Variants in EML1 observed in about 807,000 individuals in gnomAD.
EML1 encodes the protein echinoderm microtubule-associated protein-like 1.
Under a neutral mutation model 110.4 loss-of-function variants are expected in EML1, and 27 were observed. The ratio of observed to expected loss-of-function variants is 0.24; its 90% CI spans 0.18 to 0.34. The LOEUF is 0.34. EML1 is among the 10% of genes least tolerant of loss of function. The pLI, the probability that EML1 is intolerant of heterozygous loss-of-function variation, is 1.00. For synonymous variants in EML1, 344 were observed against 385.8 expected, an observed-to-expected ratio of 0.89 and a Z score of 1.27; for missense variants, 741 against 1,030.9, an observed-to-expected ratio of 0.72 and a Z score of 3.85.
intron 17 of EML1, among the ~76,000 whole-genome samples, chr14:99,923,839 A>G (rs188733998): frequency 3.3e-5 from 5 of 152,256 alleles, no homozygotes; most frequent in African/African-American, 1.2e-4. Flanking sequence ...TTTTTTGTAG[A>G]CACAGGGTCT....
chr14:99,927,559 C>T (rs2060257095), intron 17 of EML1, among the ~76,000 whole-genome samples: 1 of 152,020 alleles, frequency 6.6e-6, no homozygotes, highest in Non-Finnish European at 1.5e-5. Context: ...CTATTGATTT[C>T]CAATGTTAGC....
At chr14:99,873,549 G>T (rs947187578) in intron 3 of EML1, among the ~76,000 whole-genome samples, 2 of 152,236 alleles carry the variant, frequency 1.3e-5, no homozygotes, top group East Asian at 3.8e-4. Flanking sequence ...AGAGGTGGAA[G>T]TATTGTCCTG....
chr14:99,909,620 A>G, intron 11 of EML1, 141 bp downstream of exon 11: 1 of 1,134,760 alleles, frequency 8.8e-7, no homozygotes, highest in Non-Finnish European at 1.3e-6. Context: ...CCTGGTAGAT[A>G]ACGCTGGTAA....
chr14:99,870,986 T>C (rs748666325), intron 3 of EML1, among the ~76,000 whole-genome samples: 1 of 152,118 alleles, frequency 6.6e-6, no homozygotes, highest in Non-Finnish European at 1.5e-5. Context: ...TGAGACAGTC[T>C]TGCTCTGTCA....
intron 5 of EML1, among the ~76,000 whole-genome samples, chr14:99,891,632 A>C (rs1274550973): frequency 6.6e-6 from 1 of 152,228 alleles, no homozygotes; most frequent in Non-Finnish European, 1.5e-5. Context: ...AAGTTATATA[A>C]CTGTCTAAAA....
At chr14:99,750,491 A>G (rs892183404) in intron 1 of EML1, among the ~76,000 whole-genome samples, 1 of 152,214 alleles carries the variant, frequency 6.6e-6, no homozygotes, top group African/African-American at 2.4e-5. Flanking sequence ...CTCGCCACCA[A>G]GTGCTGTGTG....
intron 10 of EML1, among the ~76,000 whole-genome samples, chr14:99,909,013 T>G (rs897155848): frequency 6.6e-6 from 1 of 152,226 alleles, no homozygotes; most frequent in African/African-American, 2.4e-5. Context: ...GAAGTCCCTC[T>G]GGTCCCAACT....
At chr14:99,765,012 A>G (rs952814975) in intron 1 of EML1, among the ~76,000 whole-genome samples, 2 of 152,206 alleles carry the variant, frequency 1.3e-5, no homozygotes, top group African/African-American at 4.8e-5. Flanking sequence ...ATCATGGCTC[A>G]CTGCAGCCTC....
rs753183138 is a variant in EML1 at position 99,749,232 on chromosome 14, G to A, written c.28+11372G>A. Among the ~76,000 whole-genome samples the A allele has an allele frequency of 5.9e-5, 9 of 152,322 alleles. No individual in the cohort carries two copies. In the East Asian group the frequency reaches 1.5e-3, roughly 26 times the overall value. ...TCTATGTTGAGCATTTTGAGGAACC[G>A]CCAGGCTGTTTCCAGCGGTGGCTGC... On this transcript the variant is annotated intron_variant, in intron 1 of 10. Coordinates refer to the EML1 transcript ENST00000554479.
intron 9 of EML1, among the ~76,000 whole-genome samples, chr14:99,903,778 T>TC (rs1057506971): frequency 3.1e-5 from 4 of 129,140 alleles, no homozygotes; most frequent in Non-Finnish European, 6.4e-5. Flanking sequence ...CATAGATAAA[T>TC]CTATTCATTT....
chr14:99,875,055 CGTA>C, intron 3 of EML1: 1 of 1,496,714 alleles, frequency 6.7e-7, no homozygotes. Flanking sequence ...TCTGTTTTAA[CGTA>C]GTAGCTTCAA....
intron 15 of EML1, among the ~76,000 whole-genome samples, chr14:99,915,926 C>T (rs188992732): frequency 2.9e-4 from 44 of 152,270 alleles, no homozygotes; most frequent in African/African-American, 8.7e-4. Context: ...TTCATTTTCA[C>T]GGAAGGGGTG....
chr14:99,766,076 GT>G (rs1352333377), intron 1 of EML1, among the ~76,000 whole-genome samples: 1 of 152,032 alleles, frequency 6.6e-6, no homozygotes. Context: ...TTTGTCGATT[GT>G]GAATGATGCT....
chr14:99,810,618 A>T (rs1405915640), intron 1 of EML1, among the ~76,000 whole-genome samples: 1 of 152,150 alleles, frequency 6.6e-6, no homozygotes, highest in Non-Finnish European at 1.5e-5. Context: ...ACCCACTTGA[A>T]GCAGTGGCTT....
intron 1 of EML1, among the ~76,000 whole-genome samples, chr14:99,843,246 A>G (rs1056432886): frequency 2.0e-5 from 3 of 152,146 alleles, no homozygotes; most frequent in African/African-American, 7.2e-5. Flanking sequence ...GTGAGACACT[A>G]TTGCTAAAGA....
At chr14:99,801,200 G>A (rs954342350) in intron 1 of EML1, among the ~76,000 whole-genome samples, 9 of 152,232 alleles carry the variant, frequency 5.9e-5, no homozygotes, top group Admixed American at 6.5e-5. Flanking sequence ...ATGGTTAGGC[G>A]AATATTCATG....
intron 11 of EML1, 63 bp from the exon 12 acceptor site, chr14:99,910,179 T>C (rs2140048657): frequency 1.6e-6 from 2 of 1,219,814 alleles, no homozygotes; most frequent in East Asian, 5.2e-5. Context: ...TGAAAGGTTG[T>C]CTGGAATATA....
At chr14:99,818,263 G>A (rs1189421288) in intron 1 of EML1, among the ~76,000 whole-genome samples, 1 of 152,146 alleles carries the variant, frequency 6.6e-6, no homozygotes, top group Non-Finnish European at 1.5e-5. Context: ...GAAGAGGAAT[G>A]GGATGCGGAG....
intron 2 of EML1, among the ~76,000 whole-genome samples, chr14:99,863,116 A>G (rs2059029479): frequency 6.6e-6 from 1 of 152,060 alleles, no homozygotes; most frequent in Non-Finnish European, 1.5e-5. Context: ...CCATCCTTTT[A>G]TGTAATTGTT....
Sources: allele counts gnomAD v4.1 joint callset (sites outside exome capture counted in the v4.1 genomes callset), GRCh38; gene constraint gnomAD v4.1.1; transcripts MANE v1.5; gene names NCBI Gene and HGNC (gene_info 2026-07-23, HGNC 2026-07-21).